LINC00632: variants seen among roughly 807,000 people sequenced by gnomAD.
The protein encoded by LINC00632 is ALDOA related specific transcript.
At chrX:140,725,290 C>T (rs1827778254) in intron 2 of LINC00632, among the ~76,000 whole-genome samples, 1 of 105,383 alleles carries the variant, frequency 9.5e-6, no homozygotes, top group Admixed American at 9.8e-5. Flanking sequence ...CATACACACA[C>T]ACATTCCATA....
At position 140,753,921 on chromosome X, in the gene LINC00632, G is replaced by A. The variant is rs112260513; in HGVS notation, n.192-18157G>A. On this transcript the variant is annotated intron_variant and non_coding_transcript_variant, in intron 3 of 4. Coordinates refer to ENST00000648200, the Ensembl canonical transcript of LINC00632. ...CTGCCGAGTAGTTGGGATTACAGGC[G>A]CACGCCACCACGCCCGGCTAATTTT... Among the ~76,000 whole-genome samples, 934 of 109,122 alleles carry A rather than the reference G, an allele frequency of 8.6e-3. 10 individuals carry two copies. The highest frequency in any genetic ancestry group is 0.03 in the African/African-American group (892 of 29,992). 94.8% of individuals were successfully genotyped at this position (109,122 alleles called of 115,157 possible). A position where few individuals can be genotyped will look rare whatever the true frequency, so the allele number is the denominator to read the frequency against.
At chrX:140,772,453 C>A in exon 4 of LINC00632, 1 of 294,832 alleles carries the variant, frequency 3.4e-6, no homozygotes, top group South Asian at 2.2e-4. Context: ...AACTTGCAGT[C>A]ATTGTAAATA....
intron 2 of LINC00632, among the ~76,000 whole-genome samples, chrX:140,716,808 CACACACAG>C (rs959921980): frequency 9.1e-6 from 1 of 109,860 alleles, no homozygotes; most frequent in African/African-American, 3.3e-5. Flanking sequence ...CACACACACA[CACACACAG>C]ACACACACAC....
chrX:140,739,484 G>T (rs752412574), intron 3 of LINC00632, among the ~76,000 whole-genome samples: 238 of 111,027 alleles, frequency 2.1e-3, no homozygotes, highest in South Asian at 3.9e-3. Flanking sequence ...GCCTCCCAAA[G>T]TGCTGGGATC....
At chrX:140,788,749 TTC>T (rs1436514139) in exon 5 of LINC00632, among the ~76,000 whole-genome samples, 2 of 107,541 alleles carry the variant, frequency 1.9e-5, no homozygotes, top group African/African-American at 3.4e-5. Context: ...ATCACTTTTT[TTC>T]TGTTTCCATA....
At chrX:140,718,124 G>A (rs1010137754) in intron 2 of LINC00632, among the ~76,000 whole-genome samples, 1 of 110,123 alleles carries the variant, frequency 9.1e-6, no homozygotes, top group Non-Finnish European at 1.9e-5. Context: ...CAACAAGAGC[G>A]AAACTCCGTC....
exon 5 of LINC00632, chrX:140,783,749 C>T (rs770549138): frequency 7.4e-6 from 9 of 1,210,774 alleles, no homozygotes; most frequent in Non-Finnish European, 1.0e-5. Flanking sequence ...CGGAAAAAAT[C>T]CAGGTCTTCC....
chrX:140,781,028 G>C (rs1240045534), exon 5 of LINC00632, among the ~76,000 whole-genome samples: 2 of 110,372 alleles, frequency 1.8e-5, no homozygotes, highest in Non-Finnish European at 3.8e-5. Context: ...AATACCTCCT[G>C]GTTCATAGAC....
exon 5 of LINC00632, chrX:140,784,781 C>A: frequency 6.1e-6 from 1 of 163,700 alleles, no homozygotes; most frequent in Non-Finnish European, 1.3e-5. Context: ...AAAAATCTTC[C>A]AACTCAACTA....
exon 5 of LINC00632, among the ~76,000 whole-genome samples, chrX:140,774,857 G>A (rs1931852531): frequency 9.0e-6 from 1 of 111,136 alleles, no homozygotes; most frequent in African/African-American, 3.3e-5. Flanking sequence ...GAGAGTTTCG[G>A]GAACTCAACT....
intron 2 of LINC00632, among the ~76,000 whole-genome samples, chrX:140,723,445 ACAC>A (rs1930781115): frequency 2.8e-5 from 1 of 35,710 alleles, no homozygotes; most frequent in African/African-American, 1.3e-4. Flanking sequence ...ATACATACAC[ACAC>A]ATTCCACACA....
intron 3 of LINC00632, among the ~76,000 whole-genome samples, chrX:140,771,628 C>T (rs1313395255): frequency 2.1e-5 from 2 of 93,583 alleles, no homozygotes; most frequent in African/African-American, 8.1e-5. Context: ...CACACACACA[C>T]ACACACACAC....
rs796627521 is a variant in LINC00632 at position 140,775,575 on chromosome X, T to G, written n.3594T>G. Among the ~76,000 whole-genome samples, 5 of 112,039 alleles carry G rather than the reference T, an allele frequency of 4.5e-5. No homozygotes were observed. In the South Asian group the frequency reaches 1.9e-3, roughly 42 times the overall value. Reference sequence around the variant, plus strand: ...GCTGTTGTTTCTGTCTTAATTGCTGTTTGTGCCGGATTCACAGCACTGGCC... The same window carrying G: ...GCTGTTGTTTCTGTCTTAATTGCTGGTTGTGCCGGATTCACAGCACTGGCC... On this transcript the variant is annotated non_coding_transcript_exon_variant, in exon 5 of 5. Coordinates refer to ENST00000648200, the Ensembl canonical transcript of LINC00632.
At chrX:140,736,890 TTTTTC>T (rs1442498128) in intron 3 of LINC00632, among the ~76,000 whole-genome samples, 5 of 108,010 alleles carry the variant, frequency 4.6e-5, no homozygotes, top group South Asian at 3.8e-4. Context: ...TTCTTTTTTC[TTTTTC>T]TTTTCTTTTT....
chrX:140,716,291 TA>T, intron 2 of LINC00632: 1 of 111,660 alleles, frequency 9.0e-6, no homozygotes, highest in South Asian at 3.8e-4. Context: ...TCACCTTGGG[TA>T]AGTATATTTC....
At chrX:140,714,860 A>C (rs1275664647) in intron 2 of LINC00632, 1 of 102,789 alleles carries the variant, frequency 9.7e-6, no homozygotes, top group African/African-American at 4.0e-5. Context: ...ACAACCCAGC[A>C]ACAAAAACAA....
intron 3 of LINC00632, among the ~76,000 whole-genome samples, chrX:140,759,289 T>TTTCTTTCTTTCCTTCC (rs1358431074): frequency 1.3e-5 from 1 of 79,603 alleles, no homozygotes; most frequent in African/African-American, 5.1e-5. Context: ...TCTTTCTTTC[T>TTTCTTTCTTTCCTTCC]TTCCTTCCTT....
exon 5 of LINC00632, among the ~76,000 whole-genome samples, chrX:140,776,542 G>A (rs1200244657): frequency 8.9e-6 from 1 of 112,848 alleles, no homozygotes; most frequent in Non-Finnish European, 1.9e-5. Flanking sequence ...ACCCAAGCCC[G>A]CGCGTGACCA....
intron 3 of LINC00632, among the ~76,000 whole-genome samples, chrX:140,762,226 A>AGG (rs1569354621): frequency 2.8e-5 from 3 of 106,769 alleles, no homozygotes; most frequent in Admixed American, 1.0e-4. Context: ...AGAGAGAGAG[A>AGG]GAGAGAGAGA....
Sources: allele counts gnomAD v4.1 joint callset (sites outside exome capture counted in the v4.1 genomes callset), GRCh38; gene constraint gnomAD v4.1.1; transcripts MANE v1.5; gene names NCBI Gene and HGNC (gene_info 2026-07-23, HGNC 2026-07-21).